Variants in EEA1 observed in about 807,000 individuals in gnomAD.
The protein encoded by EEA1 is early endosome antigen 1, 162kD.
A neutral mutation model predicts 209.2 loss-of-function variants in EEA1; 111 were observed. That is an observed-to-expected ratio of 0.53 (90% confidence interval 0.45 to 0.62). The LOEUF is 0.62. Among genes scored for constraint, EEA1 ranks in the 20% least tolerant of loss-of-function variants. The pLI is 0.00. For missense variants in EEA1, 1,343 were observed against 1,530.8 expected, an observed-to-expected ratio of 0.88 and a Z score of 2.05; for synonymous variants, 536 against 540.6, an observed-to-expected ratio of 0.99 and a Z score of 0.12.
chr12:92,856,684 T>G (rs1196281768), intron 5 of EEA1, among the ~76,000 whole-genome samples: 1 of 151,788 alleles, frequency 6.6e-6, no homozygotes, highest in African/African-American at 2.4e-5. Flanking sequence ...TTGAACCTAT[T>G]TTTTTTAACC....
chr12:92,779,060 T>C (rs1263260410), intron 25 of EEA1, 55 bp downstream of exon 25: 3 of 1,459,580 alleles, frequency 2.1e-6, no homozygotes, highest in Admixed American at 4.8e-5. Flanking sequence ...GTCCTCTCAC[T>C]GGATTGATTT....
chr12:92,818,180 C>T (rs1253131287), intron 14 of EEA1, among the ~76,000 whole-genome samples: 1 of 152,198 alleles, frequency 6.6e-6, no homozygotes, highest in Non-Finnish European at 1.5e-5. Context: ...GCCTTAACCT[C>T]CCTGAACTTC....
At chr12:92,815,407 C>T (rs943595593) in intron 15 of EEA1, among the ~76,000 whole-genome samples, 3 of 152,146 alleles carry the variant, frequency 2.0e-5, no homozygotes, top group African/African-American at 4.8e-5. Context: ...ATCCACATAA[C>T]AGGTTATCTA....
chr12:92,851,357 G>A, intron 8 of EEA1, 91 bp from the exon 9 acceptor site: 1 of 1,270,438 alleles, frequency 7.9e-7, no homozygotes. Context: ...GGAATCAAAA[G>A]GGAAACAATC....
At chr12:92,869,684 T>C (rs1242534129) in intron 2 of EEA1, among the ~76,000 whole-genome samples, 7 of 119,104 alleles carry the variant, frequency 5.9e-5, no homozygotes, top group African/African-American at 2.3e-4. Context: ...ACCTGGGAGG[T>C]GGAGGTTGCA....
At chr12:92,853,764 C>T in intron 6 of EEA1, 151 bp downstream of exon 6, 1 of 531,024 alleles carries the variant, frequency 1.9e-6, no homozygotes, top group Non-Finnish European at 3.2e-6. Context: ...TAACTCTCTA[C>T]ACCTAGAATA....
chr12:92,928,944 A>C, intron 1 of EEA1, 99 bp downstream of exon 1: 15 of 1,241,052 alleles, frequency 1.2e-5, no homozygotes, highest in East Asian at 7.7e-5. Context: ...GGGCCTAGGG[A>C]AGGAAGGAGC....
rs1418439279 is a variant in EEA1 at position 92,772,220 on chromosome 12, T to G, written c.*3791A>C. On this transcript the variant is annotated 3_prime_UTR_variant, in exon 29 of 29. Transcript: ENST00000322349. ...TATCTTTAAATGGTCATCTGGGTATTAAATGCAGACACACAATGAAATAAG... is the reference window on the plus strand; with the variant it reads ...TATCTTTAAATGGTCATCTGGGTATGAAATGCAGACACACAATGAAATAAG... 1 of 151,924 alleles carries G rather than the reference T, an allele frequency of 6.6e-6. No individual in the cohort carries two copies. The highest frequency in any genetic ancestry group is 2.4e-5 in the African/African-American group (1 of 41,436). 9.4% of individuals were successfully genotyped at this position (151,924 alleles called of 1,614,324 possible). A position where few individuals can be genotyped will look rare whatever the true frequency, so the allele number is the denominator to read the frequency against.
chr12:92,791,900 G>C (rs1483582708), intron 21 of EEA1, among the ~76,000 whole-genome samples: 3 of 152,166 alleles, frequency 2.0e-5, no homozygotes, highest in Non-Finnish European at 4.4e-5. Context: ...AAATGTAAAA[G>C]AACAGAAATC....
intron 2 of EEA1, among the ~76,000 whole-genome samples, chr12:92,866,884 C>T (rs1878422632): frequency 6.6e-6 from 1 of 152,208 alleles, no homozygotes; most frequent in African/African-American, 2.4e-5. Flanking sequence ...CCCTCTCACT[C>T]ATTTCTAATA....
intron 9 of EEA1, among the ~76,000 whole-genome samples, chr12:92,849,072 T>C (rs1877503965): frequency 6.6e-6 from 1 of 152,224 alleles, no homozygotes; most frequent in South Asian, 2.1e-4. Context: ...TCCTTGTTAA[T>C]GTTCTATTTG....
chr12:92,861,846 GA>G (rs374798890), intron 3 of EEA1, among the ~76,000 whole-genome samples: 1 of 151,836 alleles, frequency 6.6e-6, no homozygotes, highest in African/African-American at 2.4e-5. Flanking sequence ...AGAAATTGAT[GA>G]AAAAAAGAGG....
chr12:92,911,666 C>G (rs1226425705), intron 1 of EEA1, among the ~76,000 whole-genome samples: 1 of 152,154 alleles, frequency 6.6e-6, no homozygotes, highest in African/African-American at 2.4e-5. Context: ...CATAGGTTCA[C>G]GAATCATAAC....
chr12:92,829,560 T>G (rs1876507830), intron 11 of EEA1, among the ~76,000 whole-genome samples: 2 of 151,814 alleles, frequency 1.3e-5, no homozygotes. Context: ...GGGTGGACTG[T>G]CTGAGCTCAA....
At chr12:92,917,459 A>C (rs1200968322) in intron 1 of EEA1, among the ~76,000 whole-genome samples, 7 of 150,594 alleles carry the variant, frequency 4.6e-5, no homozygotes, top group Non-Finnish European at 7.4e-5. Context: ...TAAAGAAAAG[A>C]ATTTTCAACC....
intron 21 of EEA1, among the ~76,000 whole-genome samples, chr12:92,789,632 G>T (rs548393689): frequency 1.3e-3 from 203 of 152,288 alleles, no homozygotes; most frequent in African/African-American, 4.8e-3. Flanking sequence ...CTCGAACTGG[G>T]TGGAGCCCAC....
chr12:92,856,662 A>C (rs1057229508), intron 5 of EEA1, among the ~76,000 whole-genome samples: 3 of 151,622 alleles, frequency 2.0e-5, no homozygotes, highest in South Asian at 2.1e-4. Flanking sequence ...TGCTTTGAAG[A>C]CTCACTACTG....
At chr12:92,859,156 C>A in intron 3 of EEA1, 37 of 1,554,068 alleles carry the variant, frequency 2.4e-5, no homozygotes, top group Non-Finnish European at 3.2e-5. Context: ...TGATCTCCAC[C>A]CTAGGGTCAT....
intron 2 of EEA1, among the ~76,000 whole-genome samples, chr12:92,872,094 G>A (rs1336089143): frequency 6.7e-6 from 1 of 150,234 alleles, no homozygotes; most frequent in Non-Finnish European, 1.5e-5. Flanking sequence ...TGTCGCCCAG[G>A]CTGGAGTGCA....
Sources: allele counts gnomAD v4.1 joint callset (sites outside exome capture counted in the v4.1 genomes callset), GRCh38; gene constraint gnomAD v4.1.1; transcripts MANE v1.5; gene names NCBI Gene and HGNC (gene_info 2026-07-23, HGNC 2026-07-21).